The following SLC71A1 variants were observed in gnomAD, a reference collection of about 807,000 sequenced individuals.
The protein encoded by SLC71A1 is solute carrier family 71 member 1, also known as hippocampus abundant gene transcript 1.
chr1:100,053,759 G>C, the SLC71A1 span, among the ~76,000 whole-genome samples: 5 of 152,250 alleles, frequency 3.3e-5, no homozygotes, highest in South Asian at 1.0e-3. Flanking sequence ...AAAAACAAAA[G>C]CTGTGTTTTG....
At chr1:100,076,419 G>A in the SLC71A1 span, among the ~76,000 whole-genome samples, 1 of 152,274 alleles carries the variant, frequency 6.6e-6, no homozygotes. Flanking sequence ...AAAGAAAAAG[G>A]AGGCACAAGA....
chr1:100,070,795 C>G, the SLC71A1 span, among the ~76,000 whole-genome samples: 1 of 152,004 alleles, frequency 6.6e-6, no homozygotes, highest in African/African-American at 2.4e-5. Context: ...TAAGTTAATA[C>G]TTTTTCTCAC....
chr1:100,068,755 G>T, the SLC71A1 span, among the ~76,000 whole-genome samples: 1 of 152,154 alleles, frequency 6.6e-6, no homozygotes, highest in East Asian at 1.9e-4. Flanking sequence ...GGCCAAGGTG[G>T]GTGGATCAGC....
the SLC71A1 span, among the ~76,000 whole-genome samples, chr1:100,062,608 A>G: frequency 6.6e-6 from 1 of 152,240 alleles, no homozygotes; most frequent in Non-Finnish European, 1.5e-5. Flanking sequence ...GAAATAGGAC[A>G]GTGATGCATT....
At chr1:100,049,600 C>G in the SLC71A1 span, among the ~76,000 whole-genome samples, 1 of 152,276 alleles carries the variant, frequency 6.6e-6, no homozygotes, top group East Asian at 1.9e-4. Context: ...CACCCTATAC[C>G]TCCGCCTGTC....
At chr1:100,056,351 T>A in the SLC71A1 span, among the ~76,000 whole-genome samples, 2 of 152,260 alleles carry the variant, frequency 1.3e-5, no homozygotes, top group Non-Finnish European at 2.9e-5. Context: ...CAGGATCTCA[T>A]TCTTTTTCTG....
the SLC71A1 span, among the ~76,000 whole-genome samples, chr1:100,066,915 G>A: frequency 5.3e-5 from 8 of 151,444 alleles, no homozygotes; most frequent in Middle Eastern, 3.4e-3. Context: ...CGTAAACCCC[G>A]GGGGCGGAGC....
chr1:100,059,801 T>C, the SLC71A1 span: 2 of 1,318,666 alleles, frequency 1.5e-6, no homozygotes, highest in Non-Finnish European at 2.0e-6. Flanking sequence ...AAAATTTTTC[T>C]ATAGGAGTAA....
chr1:100,068,216 T>A, the SLC71A1 span: 1 of 1,583,676 alleles, frequency 6.3e-7, no homozygotes. Flanking sequence ...ACTTTTTCCT[T>A]CTCCTTGATA....
At chr1:100,080,309 A>G in the SLC71A1 span, 2 of 531,812 alleles carry the variant, frequency 3.8e-6, no homozygotes, top group Non-Finnish European at 6.7e-6. Context: ...TGCATAGGAC[A>G]GCTTACTACA....
the SLC71A1 span, among the ~76,000 whole-genome samples, chr1:100,070,213 C>A: frequency 5.9e-5 from 9 of 152,120 alleles, no homozygotes; most frequent in African/African-American, 2.2e-4. Flanking sequence ...GTTGAGAAGA[C>A]CTTGCTAATG....
At chr1:100,073,914 CTTATATA>C in the SLC71A1 span, among the ~76,000 whole-genome samples, 1 of 152,066 alleles carries the variant, frequency 6.6e-6, no homozygotes, top group Non-Finnish European at 1.5e-5. Context: ...TTCAAGAACA[CTTATATA>C]TTAAGTATTT....
chr1:100,063,500 T>A, the SLC71A1 span, among the ~76,000 whole-genome samples: 3 of 151,536 alleles, frequency 2.0e-5, no homozygotes. Context: ...ACCCTGTCTC[T>A]TAAAAAAAAA....
At chr1:100,045,797 G>T in the SLC71A1 span, among the ~76,000 whole-genome samples, 1 of 150,808 alleles carries the variant, frequency 6.6e-6, no homozygotes, top group African/African-American at 2.4e-5. Flanking sequence ...CCTGGGTGAC[G>T]GGGAGACTCT....
At chr1:100,049,883 T>C in the SLC71A1 span, 1 of 1,309,716 alleles carries the variant, frequency 7.6e-7, no homozygotes, top group Non-Finnish European at 1.1e-6. Flanking sequence ...TTTTTTTAAC[T>C]TTTTAAAAAA....
the SLC71A1 span, among the ~76,000 whole-genome samples, chr1:100,054,340 G>A: frequency 6.6e-6 from 1 of 151,988 alleles, no homozygotes; most frequent in Admixed American, 6.6e-5. Flanking sequence ...AGCCTCCCAA[G>A]TATGTGGGAT....
At chr1:100,064,794 G>A in the SLC71A1 span, among the ~76,000 whole-genome samples, 1 of 151,346 alleles carries the variant, frequency 6.6e-6, no homozygotes, top group African/African-American at 2.4e-5. Context: ...CATGATCATG[G>A]CTCACTGAAG....
the SLC71A1 span, chr1:100,062,185 T>C: frequency 5.2e-6 from 2 of 383,018 alleles, no homozygotes; most frequent in Admixed American, 4.5e-5. Context: ...ATTGAAATTA[T>C]AGTATATTTT....
chr1:100,058,672 C>G, the SLC71A1 span: 1 of 1,551,522 alleles, frequency 6.4e-7, no homozygotes, highest in Non-Finnish European at 8.9e-7. Flanking sequence ...TTAGGTATTA[C>G]ATGAAACCTT....
Sources: gnomAD v4.1 joint callset for allele counts (sites outside exome capture counted in the v4.1 genomes callset) on GRCh38, gnomAD v4.1.1 for gene constraint, MANE v1.5 for transcripts, NCBI Gene and HGNC (gene_info 2026-07-23, HGNC 2026-07-21) for gene names.